Variants in NKAIN2 observed in about 807,000 individuals in gnomAD.
NKAIN2 encodes the protein sodium/potassium-transporting ATPase subunit beta-1-interacting protein 2.
In NKAIN2, 14 loss-of-function variants were observed where a neutral mutation model predicts 32.6. The observed-to-expected ratio is 0.43, with a 90% CI of 0.28 to 0.67. NKAIN2 has a LOEUF of 0.67. Ranked by LOEUF, NKAIN2 falls within the 30% of genes least tolerant of loss-of-function variation. The pLI is 0.17. For missense variants in NKAIN2, 198 were observed against 258.3 expected, an observed-to-expected ratio of 0.77 and a Z score of 1.60; for synonymous variants, 80 against 87.2, an observed-to-expected ratio of 0.92 and a Z score of 0.46.
intron 1 of NKAIN2, among the ~76,000 whole-genome samples, chr6:123,957,252 C>T (rs1368990906): frequency 6.6e-6 from 1 of 152,082 alleles, no homozygotes; most frequent in African/African-American, 2.4e-5. Context: ...GTTAAAACAC[C>T]TCACTGATAC....
At chr6:123,971,214 T>G (rs1251473719) in intron 1 of NKAIN2, among the ~76,000 whole-genome samples, 2 of 152,120 alleles carry the variant, frequency 1.3e-5, no homozygotes, top group African/African-American at 4.8e-5. Flanking sequence ...CAGGTGACAG[T>G]GGAACTAATG....
In NKAIN2 at chr6:124,390,914, T is replaced by C. The variant is rs929341176; in HGVS notation, c.273+35567T>C. On this transcript the variant is annotated intron_variant, in intron 3 of 6. Coordinates refer to ENST00000368417, the MANE Select transcript of NKAIN2 (RefSeq NM_001040214.3). ...TAGCACAAGGCCATTGTAAGTTCCA[T>C]GAGGAACTAGGAAAGAGAAAAAAAA... 2.6e-5 allele frequency: 4 copies of C among 151,862 alleles called. No individual in the cohort carries two copies. The South Asian group carries it at 8.3e-4, about 32-fold the overall frequency. 9.4% of individuals were successfully genotyped at this position (151,862 alleles called of 1,614,324 possible). A position where few individuals can be genotyped will look rare whatever the true frequency, so the allele number is the denominator to read the frequency against.
At chr6:124,175,999 T>C (rs981548156) in intron 1 of NKAIN2, among the ~76,000 whole-genome samples, 16 of 152,188 alleles carry the variant, frequency 1.1e-4, no homozygotes, top group Non-Finnish European at 8.8e-5. Context: ...TTCTAGTTTA[T>C]GCAGACTTAC....
chr6:124,516,688 C>A (rs1362072352), intron 3 of NKAIN2, among the ~76,000 whole-genome samples: 1 of 152,130 alleles, frequency 6.6e-6, no homozygotes, highest in Non-Finnish European at 1.5e-5. Context: ...AGTCACACAA[C>A]CTGCTGTGTA....
chr6:124,552,061 C>A (rs1008533238), intron 3 of NKAIN2, among the ~76,000 whole-genome samples: 1 of 152,138 alleles, frequency 6.6e-6, no homozygotes, highest in Non-Finnish European at 1.5e-5. Flanking sequence ...TCCCTCTGCA[C>A]GGTGGACTTG....
At chr6:123,907,680 C>T (rs1774954153) in intron 1 of NKAIN2, among the ~76,000 whole-genome samples, 2 of 152,134 alleles carry the variant, frequency 1.3e-5, no homozygotes, top group African/African-American at 4.8e-5. Flanking sequence ...ATGATAGCCT[C>T]TCACCCCCCA....
chr6:124,655,925 G>A (rs1429898284), intron 3 of NKAIN2, among the ~76,000 whole-genome samples: 1 of 151,994 alleles, frequency 6.6e-6, no homozygotes, highest in East Asian at 1.9e-4. Context: ...CCGAGACCTT[G>A]AGCTATGGAT....
At chr6:124,006,320 G>C (rs1358216394) in intron 1 of NKAIN2, among the ~76,000 whole-genome samples, 1 of 152,182 alleles carries the variant, frequency 6.6e-6, no homozygotes, top group African/African-American at 2.4e-5. Context: ...ATTTGTGAGA[G>C]ATAAAATAGT....
rs561729121 is a variant in NKAIN2, at chr6:123,879,405, G to C, written c.54+75151G>C. Among the ~76,000 whole-genome samples, 34 of 152,234 alleles carry C rather than the reference G, an allele frequency of 2.2e-4. No homozygotes were observed. In the South Asian group the frequency reaches 7.0e-3, roughly 32 times the overall value. The stretch of plus-strand genomic sequence containing the variant: ...CCTGGCCCACCCCATTTTGTATTGG[G>C]GTGAAGGCTAAGTTGCTATAACAAA... On this transcript the variant is annotated intron_variant, in intron 1 of 6. Coordinates refer to ENST00000368417, the MANE Select transcript of NKAIN2 (RefSeq NM_001040214.3).
chr6:123,902,622 T>G (rs1774657855), intron 1 of NKAIN2, among the ~76,000 whole-genome samples: 1 of 152,200 alleles, frequency 6.6e-6, no homozygotes, highest in Admixed American at 6.5e-5. Context: ...AGTACCATCT[T>G]GAATCTCATG....
At chr6:124,061,399 T>G (rs181866795) in intron 1 of NKAIN2, among the ~76,000 whole-genome samples, 1 of 152,288 alleles carries the variant, frequency 6.6e-6, no homozygotes, top group Non-Finnish European at 1.5e-5. Flanking sequence ...TTTTCAAAAC[T>G]TTCTCAAAAA....
At chr6:124,395,872 G>A (rs951368244) in intron 3 of NKAIN2, among the ~76,000 whole-genome samples, 6 of 151,894 alleles carry the variant, frequency 4.0e-5, no homozygotes, top group Admixed American at 6.6e-5. Context: ...ACAGAGTCTC[G>A]GAGTAATAAG....
At chr6:124,013,843 AGG>A (rs1780447628) in intron 1 of NKAIN2, among the ~76,000 whole-genome samples, 1 of 152,188 alleles carries the variant, frequency 6.6e-6, no homozygotes, top group Non-Finnish European at 1.5e-5. Flanking sequence ...GGCTTTGAAA[AGG>A]GTAGAAGGTT....
chr6:124,054,648 G>A lies in NKAIN2; in HGVS notation c.55-228357G>A, dbSNP rs532401242. Reference sequence around the variant, plus strand: ...GTCAGAATGGGAGATTTATCTCTTAGCATGACTCTGATTTCCTGATCAGAG... The same window carrying A: ...GTCAGAATGGGAGATTTATCTCTTAACATGACTCTGATTTCCTGATCAGAG... On this transcript the variant is annotated intron_variant, in intron 1 of 6. Coordinates refer to ENST00000368417, the MANE Select transcript of NKAIN2 (RefSeq NM_001040214.3). Among the ~76,000 whole-genome samples, 6 of 152,110 alleles carry A rather than the reference G, an allele frequency of 3.9e-5. No homozygotes were observed. The South Asian group carries it at 1.2e-3, about 32-fold the overall frequency.
chr6:123,948,184 G>A (rs1263013512), intron 1 of NKAIN2, among the ~76,000 whole-genome samples: 1 of 152,108 alleles, frequency 6.6e-6, no homozygotes, highest in South Asian at 2.1e-4. Context: ...GGACACTTAG[G>A]TTGCTTTTAT....
chr6:124,411,852 T>C (rs559182566), intron 3 of NKAIN2, among the ~76,000 whole-genome samples: 2 of 152,312 alleles, frequency 1.3e-5, no homozygotes, highest in South Asian at 4.1e-4. Flanking sequence ...TTCACGTAGT[T>C]CCATATTTCA....
At chr6:124,214,111 T>C (rs1018715594) in intron 1 of NKAIN2, among the ~76,000 whole-genome samples, 2 of 152,186 alleles carry the variant, frequency 1.3e-5, no homozygotes, top group Admixed American at 1.3e-4. Context: ...TAAATCAAGT[T>C]CTCATTTGTA....
At chr6:124,557,883 A>G (rs972774545) in intron 3 of NKAIN2, among the ~76,000 whole-genome samples, 12 of 152,342 alleles carry the variant, frequency 7.9e-5, no homozygotes, top group Non-Finnish European at 1.8e-4. Flanking sequence ...AAAGTGACTC[A>G]TTCAGATGAA....
At chr6:124,261,505 G>T (rs184351785) in intron 1 of NKAIN2, among the ~76,000 whole-genome samples, 2 of 152,200 alleles carry the variant, frequency 1.3e-5, no homozygotes, top group African/African-American at 4.8e-5. Flanking sequence ...TAGTCATTGA[G>T]ATGTAGTTGA....
Sources: allele counts gnomAD v4.1 joint callset (sites outside exome capture counted in the v4.1 genomes callset), GRCh38; gene constraint gnomAD v4.1.1; transcripts MANE v1.5; gene names NCBI Gene and HGNC (gene_info 2026-07-23, HGNC 2026-07-21).